RAB10: variants seen among roughly 807,000 people sequenced by gnomAD.
The protein encoded by RAB10 is RAB10, member RAS oncogene family.
A neutral mutation model predicts 25.7 loss-of-function variants in RAB10; 5 were observed. The ratio of observed to expected loss-of-function variants is 0.19; its 90% CI spans 0.10 to 0.41. The LOEUF (loss-of-function observed/expected upper bound fraction) is 0.41. Among genes scored for constraint, RAB10 ranks in the 10% least tolerant of loss-of-function variants. The pLI is 1.00. For missense variants in RAB10, 103 were observed against 245.8 expected (o/e 0.42, Z 3.89); for synonymous variants, 89 against 86.4 (o/e 1.03, Z -0.16).
intron 1 of RAB10, among the ~76,000 whole-genome samples, chr2:26,043,861 A>G (rs576528457): frequency 3.3e-5 from 5 of 152,224 alleles, no homozygotes; most frequent in Non-Finnish European, 5.9e-5. Flanking sequence ...ATGCCAATGA[A>G]TTGTACACTT....
chr2:26,096,576 A>G (rs1341319162), intron 1 of RAB10, among the ~76,000 whole-genome samples: 1 of 152,206 alleles, frequency 6.6e-6, no homozygotes, highest in Non-Finnish European at 1.5e-5. Context: ...GTTAAGCCCT[A>G]TAGGGAACTA....
chr2:26,055,492 A>T (rs986309083), intron 1 of RAB10, among the ~76,000 whole-genome samples: 2 of 150,484 alleles, frequency 1.3e-5, no homozygotes, highest in Non-Finnish European at 2.9e-5. Context: ...GGTTCAAGTG[A>T]TTCTCTGGCT....
chr2:26,033,491 G>A (rs572497662), upstream of RAB10, among the ~76,000 whole-genome samples: 6 of 152,380 alleles, frequency 3.9e-5, no homozygotes, highest in South Asian at 1.2e-3. Flanking sequence ...AATCCGGATG[G>A]AGCGCTCATG....
intron 1 of RAB10, among the ~76,000 whole-genome samples, chr2:26,091,017 TAGAAA>T (rs1449640540): frequency 1.9e-4 from 28 of 150,872 alleles, no homozygotes; most frequent in African/African-American, 6.6e-4. Flanking sequence ...GAAAGCAGAG[TAGAAA>T]AGGGTGGGGC....
chr2:26,124,388 G>GTTTTTTTTTTT (rs1559599431), intron 3 of RAB10, among the ~76,000 whole-genome samples: 2 of 17,104 alleles, frequency 1.2e-4, no homozygotes, highest in Non-Finnish European at 2.3e-4. Flanking sequence ...TGTTGTTGTT[G>GTTTTTTTTTTT]CTTTTTTTTT....
At chr2:26,066,090 A>G (rs975667603) in intron 1 of RAB10, among the ~76,000 whole-genome samples, 1 of 150,964 alleles carries the variant, frequency 6.6e-6, no homozygotes, top group Non-Finnish European at 1.5e-5. Context: ...TAACTTTCAA[A>G]AGCTTTATTT....
At chr2:26,127,823 T>C in intron 4 of RAB10, 27 bp from the exon 5 acceptor site, 1 of 1,516,770 alleles carries the variant, frequency 6.6e-7, no homozygotes, top group Non-Finnish European at 9.2e-7. Context: ...TTGATAATTT[T>C]ATGATGATAT....
At chr2:26,054,920 A>G (rs7588802) in intron 1 of RAB10, among the ~76,000 whole-genome samples, 122,183 of 151,842 alleles carry the variant, frequency 0.8, 49,209 homozygotes, top group East Asian at 0.87. Flanking sequence ...GGTGGAGGTT[A>G]CAGTGAGCTG....
intron 5 of RAB10, among the ~76,000 whole-genome samples, chr2:26,128,613 T>TTAAGG (rs1553731105): frequency 3.3e-5 from 5 of 151,612 alleles, no homozygotes; most frequent in Admixed American, 2.0e-4. Context: ...TTAGGAAATT[T>TTAAGG]TAAGAAATGA....
intron 1 of RAB10, among the ~76,000 whole-genome samples, chr2:26,065,144 A>G (rs1666488817): frequency 6.6e-6 from 1 of 152,140 alleles, no homozygotes; most frequent in Admixed American, 6.6e-5. Context: ...TTGTGCCCAT[A>G]GTGAGTATTC....
chr2:26,105,597 G>A (rs566737560), intron 2 of RAB10, among the ~76,000 whole-genome samples: 2 of 152,292 alleles, frequency 1.3e-5, no homozygotes, highest in Non-Finnish European at 2.9e-5. Flanking sequence ...GGAGGATGCA[G>A]TATGCCGAGA....
At chr2:26,044,667 TCCC>T (rs749237473) in intron 1 of RAB10, among the ~76,000 whole-genome samples, 276 of 151,890 alleles carry the variant, frequency 1.8e-3, no homozygotes, top group Middle Eastern at 3.4e-3. Flanking sequence ...TGCCTCAACC[TCCC>T]GAGTAGCTGG....
At chr2:26,044,921 TA>T (rs1189349658) in intron 1 of RAB10, among the ~76,000 whole-genome samples, 3 of 151,606 alleles carry the variant, frequency 2.0e-5, no homozygotes, top group Non-Finnish European at 4.4e-5. Context: ...ATTGTTATGT[TA>T]AAAAAAATCA....
At chr2:26,042,741 G>T (rs979715423) in intron 1 of RAB10, 6 of 151,800 alleles carry the variant, frequency 4.0e-5, no homozygotes, top group African/African-American at 1.2e-4. Flanking sequence ...TGGTCCCTGC[G>T]CAAGGATGAC....
intron 1 of RAB10, among the ~76,000 whole-genome samples, chr2:26,081,296 T>C (rs1047984548): frequency 1.3e-5 from 2 of 152,216 alleles, no homozygotes; most frequent in African/African-American, 2.4e-5. Context: ...GATCTGTTCA[T>C]AGTTTGTACT....
At chr2:26,057,812 C>T (rs150411636) in intron 1 of RAB10, among the ~76,000 whole-genome samples, 2,936 of 152,100 alleles carry the variant, frequency 0.019, 46 homozygotes, top group African/African-American at 0.042. Context: ...TTAGTAGAGA[C>T]GGGGTTTCAC....
At chr2:26,054,586 G>A (rs1356364949) in intron 1 of RAB10, among the ~76,000 whole-genome samples, 1 of 152,182 alleles carries the variant, frequency 6.6e-6, no homozygotes, top group Non-Finnish European at 1.5e-5. Flanking sequence ...AGAGTGCTAT[G>A]GAAGGTAAAT....
chr2:26,075,202 A>G (rs888798154), intron 1 of RAB10, among the ~76,000 whole-genome samples: 2 of 152,162 alleles, frequency 1.3e-5, no homozygotes, highest in Non-Finnish European at 2.9e-5. Context: ...ATTAAAGAAC[A>G]TTGTGTTCAA....
At position 26,103,087 on chromosome 2, in the gene RAB10, A is replaced by T. The variant is rs551679885; in HGVS notation, c.188+4365A>T. On this transcript the variant is annotated intron_variant, in intron 2 of 5. Transcript: ENST00000264710. ...GTTTATAAGTGAAAACAACAACAAC[A>T]ACTACTAAGGTCCAAGGAAGCTAAG... 2.8e-4 allele frequency among the ~76,000 whole-genome samples: 42 copies of T among 152,338 alleles called. 1 individual carries two copies. In the South Asian group the frequency reaches 7.2e-3, roughly 26 times the overall value.
Sources: allele counts gnomAD v4.1 joint callset (sites outside exome capture counted in the v4.1 genomes callset), GRCh38; gene constraint gnomAD v4.1.1; transcripts MANE v1.5; gene names NCBI Gene and HGNC (gene_info 2026-07-23, HGNC 2026-07-21).